The following NAALADL2 variants were observed in gnomAD, a reference collection of about 807,000 sequenced individuals.
NAALADL2 encodes inactive N-acetylated-alpha-linked acidic dipeptidase-like protein 2.
In NAALADL2, 76 loss-of-function variants were observed where a neutral mutation model predicts 87.2. That is an observed-to-expected ratio of 0.87 (90% confidence interval 0.72 to 1.05). The LOEUF is 1.05. Ranked by LOEUF, NAALADL2 falls within the 50% of genes least tolerant of loss-of-function variation. The probability of loss-of-function intolerance (pLI) is 0.00; values close to 1 mark genes in which losing one functional copy is unlikely to be tolerated. For synonymous variants in NAALADL2, 354 were observed against 331.0 expected (o/e 1.07, Z -0.75); for missense variants, 1,089 against 945.8 (o/e 1.15, Z -1.99).
intron 1 of NAALADL2, among the ~76,000 whole-genome samples, chr3:175,083,050 C>G (rs1296562126): frequency 6.6e-6 from 1 of 152,142 alleles, no homozygotes; most frequent in Non-Finnish European, 1.5e-5. Context: ...TCTGTGTTGT[C>G]CACATAAGAA....
chr3:174,796,186 A>G (rs1418313640), intron 3 of NAALADL2, among the ~76,000 whole-genome samples: 1 of 152,236 alleles, frequency 6.6e-6, no homozygotes, highest in Non-Finnish European at 1.5e-5. Flanking sequence ...TGCGAGCCAA[A>G]GAGAAAGGGC....
chr3:174,759,557 G>A (rs6782462), intron 3 of NAALADL2, among the ~76,000 whole-genome samples: 19,195 of 152,162 alleles, frequency 0.13, 1,356 homozygotes, highest in Middle Eastern at 0.2. Flanking sequence ...ATACACTTTG[G>A]TGGATTAGAG....
At chr3:174,889,185 GA>G (rs1049872394) in intron 1 of NAALADL2, among the ~76,000 whole-genome samples, 1 of 152,012 alleles carries the variant, frequency 6.6e-6, no homozygotes, top group African/African-American at 2.4e-5. Context: ...AAAACCATTA[GA>G]AAATTCAAGG....
At chr3:174,524,659 C>T (rs1325440316) in intron 1 of NAALADL2, among the ~76,000 whole-genome samples, 1 of 151,828 alleles carries the variant, frequency 6.6e-6, no homozygotes, top group African/African-American at 2.4e-5. Context: ...ATCCTCCCAC[C>T]TCAGCCTCCT....
intron 11 of NAALADL2, among the ~76,000 whole-genome samples, chr3:175,729,843 T>C (rs925710452): frequency 9.2e-5 from 14 of 151,922 alleles, no homozygotes; most frequent in African/African-American, 2.4e-5. Context: ...AAACAGGTGT[T>C]ATGCTTATCT....
At chr3:174,554,140 T>A (rs927838647) in intron 2 of NAALADL2, among the ~76,000 whole-genome samples, 5 of 151,964 alleles carry the variant, frequency 3.3e-5, no homozygotes, top group Admixed American at 1.3e-4. Context: ...ATATTTATAT[T>A]TTGTCTAGAA....
chr3:175,277,523 G>T (rs1365388358), intron 4 of NAALADL2, among the ~76,000 whole-genome samples: 2 of 152,130 alleles, frequency 1.3e-5, no homozygotes, highest in African/African-American at 4.8e-5. Flanking sequence ...AACATCCAGA[G>T]ATACCAGTGT....
intron 10 of NAALADL2, among the ~76,000 whole-genome samples, chr3:175,603,101 TA>T (rs1723185501): frequency 6.6e-6 from 1 of 152,190 alleles, no homozygotes; most frequent in South Asian, 2.1e-4. Context: ...ACTTTAAAAT[TA>T]ACACAATGTC....
chr3:175,264,431 C>G (rs1751583746), intron 4 of NAALADL2, among the ~76,000 whole-genome samples: 1 of 151,708 alleles, frequency 6.6e-6, no homozygotes, highest in South Asian at 2.1e-4. Flanking sequence ...AGAAGTGTGA[C>G]AGCTCACTCA....
intron 11 of NAALADL2, among the ~76,000 whole-genome samples, chr3:175,636,149 C>T (rs1454448491): frequency 6.6e-6 from 1 of 152,056 alleles, no homozygotes; most frequent in Non-Finnish European, 1.5e-5. Context: ...CGATTTTCAG[C>T]GCTAATCACA....
intron 2 of NAALADL2, among the ~76,000 whole-genome samples, chr3:175,151,717 C>T (rs1187402633): frequency 6.6e-6 from 1 of 152,000 alleles, no homozygotes; most frequent in Non-Finnish European, 1.5e-5. Context: ...TACTACTCGA[C>T]TTTATGGAAA....
In NAALADL2 at chr3:175,250,923, C is replaced by T. The variant is rs532634112; in HGVS notation, c.820-5488C>T. Among the ~76,000 whole-genome samples, 4 of 152,164 alleles carry T rather than the reference C, an allele frequency of 2.6e-5. No individual in the cohort carries two copies. In the East Asian group the frequency reaches 7.7e-4, roughly 29 times the overall value. On this transcript the variant is annotated intron_variant, in intron 3 of 13. Transcript: ENST00000454872. ...TAACATGGGATCCCTGTTAGCATGCCGTTGATAAACAACATCTTTGTCTGA... is the reference window on the plus strand; with the variant it reads ...TAACATGGGATCCCTGTTAGCATGCTGTTGATAAACAACATCTTTGTCTGA...
intron 2 of NAALADL2, among the ~76,000 whole-genome samples, chr3:174,595,948 G>T (rs1217612753): frequency 6.6e-6 from 1 of 152,146 alleles, no homozygotes; most frequent in Non-Finnish European, 1.5e-5. Flanking sequence ...GGAGGTGGAG[G>T]TTGTGGTGAG....
At chr3:175,150,667 T>TA (rs1731417497) in intron 2 of NAALADL2, among the ~76,000 whole-genome samples, 1 of 152,212 alleles carries the variant, frequency 6.6e-6, no homozygotes, top group African/African-American at 2.4e-5. Context: ...TTTTAAGGGA[T>TA]ATAAAGATTA....
chr3:175,734,536 A>G (rs894961385), intron 11 of NAALADL2, among the ~76,000 whole-genome samples: 16 of 152,068 alleles, frequency 1.1e-4, no homozygotes. Context: ...CACCCTGGGC[A>G]ACAGAGCGAG....
chr3:174,718,762 CA>C (rs1210632003), intron 2 of NAALADL2, among the ~76,000 whole-genome samples: 1 of 152,168 alleles, frequency 6.6e-6, no homozygotes, highest in Non-Finnish European at 1.5e-5. Context: ...AATTCTCTTA[CA>C]GTCACAGTAC....
chr3:174,693,010 A>T (rs539250638), intron 2 of NAALADL2, among the ~76,000 whole-genome samples: 1 of 133,076 alleles, frequency 7.5e-6, no homozygotes, highest in African/African-American at 2.6e-5. Flanking sequence ...ATAATAAATG[A>T]TAATTAATTC....
intron 1 of NAALADL2, among the ~76,000 whole-genome samples, chr3:174,964,897 T>C (rs1451206543): frequency 6.6e-6 from 1 of 151,572 alleles, no homozygotes. Flanking sequence ...TATAATTTTA[T>C]TGACATGAAA....
At chr3:175,389,204 T>C (rs1207284262) in intron 5 of NAALADL2, among the ~76,000 whole-genome samples, 1 of 152,164 alleles carries the variant, frequency 6.6e-6, no homozygotes, top group Non-Finnish European at 1.5e-5. Flanking sequence ...GTTGGAATTT[T>C]ATAAGGCTAC....
Sources: gnomAD v4.1 joint callset for allele counts (sites outside exome capture counted in the v4.1 genomes callset) on GRCh38, gnomAD v4.1.1 for gene constraint, MANE v1.5 for transcripts, NCBI Gene and HGNC (gene_info 2026-07-23, HGNC 2026-07-21) for gene names.